Variants in GALM observed in about 807,000 individuals in gnomAD.
GALM encodes the protein galactose mutarotase.
In GALM, 43 loss-of-function variants were observed where a neutral mutation model predicts 37.4. That is an observed-to-expected ratio of 1.15 (90% CI 0.90 to 1.48). The LOEUF is 1.48. GALM is among the 40% of genes most tolerant of loss of function. The pLI is 0.00. For synonymous variants in GALM, 199 were observed against 170.6 expected (o/e 1.17, Z -1.30); for missense variants, 456 against 419.1 (o/e 1.09, Z -0.77).
At chr2:38,707,549 T>C (rs1385625704) in intron 4 of GALM, among the ~76,000 whole-genome samples, 5 of 152,246 alleles carry the variant, frequency 3.3e-5, no homozygotes, top group South Asian at 2.1e-4. Flanking sequence ...GTGGTGGTTG[T>C]TGTCCTGACC....
chr2:38,706,713 T>G, intron 4 of GALM, among the ~76,000 whole-genome samples: 1 of 151,656 alleles, frequency 6.6e-6, no homozygotes, highest in African/African-American at 2.4e-5. Context: ...GGGACTTGAC[T>G]GGAGACAGAG....
At chr2:38,706,999 G>A (rs1287823393) in intron 4 of GALM, among the ~76,000 whole-genome samples, 4 of 151,834 alleles carry the variant, frequency 2.6e-5, no homozygotes, top group African/African-American at 7.3e-5. Flanking sequence ...TGAATTGAAT[G>A]CATAGATGAG....
chr2:38,687,998 G>A (rs1162924312), intron 3 of GALM, among the ~76,000 whole-genome samples: 1 of 151,888 alleles, frequency 6.6e-6, no homozygotes, highest in Non-Finnish European at 1.5e-5. Context: ...GATCACCTGA[G>A]GTCAGGAGTT....
At chr2:38,707,338 T>A (rs1558590167) in intron 4 of GALM, among the ~76,000 whole-genome samples, 1 of 152,056 alleles carries the variant, frequency 6.6e-6, no homozygotes, top group Non-Finnish European at 1.5e-5. Flanking sequence ...AGAGCAGTGG[T>A]CTGAGGACCA....
intron 1 of GALM, 129 bp from the exon 2 acceptor site, chr2:38,675,783 A>G: frequency 1.3e-6 from 1 of 797,490 alleles, no homozygotes; most frequent in South Asian, 1.5e-5. Flanking sequence ...GTTAGCCAGG[A>G]TGGTCTCGAT....
At chr2:38,695,854 A>G (rs1358641325) in intron 4 of GALM, among the ~76,000 whole-genome samples, 3 of 151,630 alleles carry the variant, frequency 2.0e-5, no homozygotes, top group Non-Finnish European at 4.4e-5. Context: ...GCATGCCACC[A>G]TACCCGGATA....
At chr2:38,666,933 AACTAGGATGG>A (rs1368773709) in intron 1 of GALM, among the ~76,000 whole-genome samples, 1 of 152,150 alleles carries the variant, frequency 6.6e-6, no homozygotes, top group Non-Finnish European at 1.5e-5. Context: ...GTCTCCTACC[AACTAGGATGG>A]ACTTTTATCC....
chr2:38,685,789 C>A (rs1665502350), intron 3 of GALM, among the ~76,000 whole-genome samples: 1 of 152,212 alleles, frequency 6.6e-6, no homozygotes, highest in Non-Finnish European at 1.5e-5. Flanking sequence ...GCAATCTCGG[C>A]TCACGGCAAT....
At chr2:38,730,747 G>A (rs1467915530) in intron 5 of GALM, among the ~76,000 whole-genome samples, 1 of 150,468 alleles carries the variant, frequency 6.6e-6, no homozygotes, top group Non-Finnish European at 1.5e-5. Context: ...ATGGTGAAAC[G>A]CCGTCTCTAC....
intron 4 of GALM, chr2:38,698,330 C>G: frequency 8.1e-7 from 1 of 1,232,334 alleles, no homozygotes; most frequent in African/African-American, 1.6e-5. Context: ...GTGCATAGCC[C>G]TTGCTCACAG....
At chr2:38,685,941 G>A (rs1429966260) in intron 3 of GALM, among the ~76,000 whole-genome samples, 1 of 151,886 alleles carries the variant, frequency 6.6e-6, no homozygotes, top group Non-Finnish European at 1.5e-5. Flanking sequence ...TTGAACTCCT[G>A]ACCTGAAGTG....
chr2:38,725,707 T>C (rs1235478784), intron 4 of GALM, among the ~76,000 whole-genome samples: 3 of 151,908 alleles, frequency 2.0e-5, no homozygotes, highest in Non-Finnish European at 4.4e-5. Flanking sequence ...ATTTCTTTTC[T>C]TTTTTTTGTT....
At chr2:38,728,023 T>C (rs1666522281) in intron 4 of GALM, among the ~76,000 whole-genome samples, 1 of 152,206 alleles carries the variant, frequency 6.6e-6, no homozygotes, top group Non-Finnish European at 1.5e-5. Context: ...AAAATAATTA[T>C]CACCCTAAAA....
At chr2:38,703,967 G>T (rs1225812433) in intron 4 of GALM, among the ~76,000 whole-genome samples, 3 of 151,968 alleles carry the variant, frequency 2.0e-5, no homozygotes, top group Non-Finnish European at 4.4e-5. Flanking sequence ...AGTAAGCCAA[G>T]ATCGTGCCAC....
chr2:38,723,747 A>C (rs1666428201), intron 4 of GALM, among the ~76,000 whole-genome samples: 1 of 152,056 alleles, frequency 6.6e-6, no homozygotes, highest in Admixed American at 6.6e-5. Flanking sequence ...GCTATGATCA[A>C]ACCACTGCAC....
At chr2:38,718,395 C>T (rs1312963245) in intron 4 of GALM, among the ~76,000 whole-genome samples, 18 of 150,036 alleles carry the variant, frequency 1.2e-4, no homozygotes, top group Non-Finnish European at 1.5e-5. Context: ...GACGGGGTTT[C>T]GCTATGTTAG....
At chr2:38,695,231 T>C (rs1310489138) in intron 4 of GALM, among the ~76,000 whole-genome samples, 1 of 151,994 alleles carries the variant, frequency 6.6e-6, no homozygotes, top group East Asian at 1.9e-4. Flanking sequence ...AGACCAGCCT[T>C]GGCAACACAG....
chr2:38,682,828 G>T (rs922274473), intron 3 of GALM, among the ~76,000 whole-genome samples: 4 of 151,792 alleles, frequency 2.6e-5, no homozygotes, highest in Non-Finnish European at 5.9e-5. Context: ...CCTGGAAGGC[G>T]GAGGTTGCAG....
Position 38,692,815 on chromosome 2 carries a change from A to G in GALM, c.634+2921A>G, listed in dbSNP as rs78296860. On this transcript the variant is annotated intron_variant, in intron 4 of 6. Coordinates refer to ENST00000272252, the MANE Select transcript of GALM (RefSeq NM_138801.3). ...GAGTTAAATAAAACCTGGAAGGGAAAGTGGAAGTTTGCCAGGGAGTGAGGA... is the reference window on the plus strand; with the variant it reads ...GAGTTAAATAAAACCTGGAAGGGAAGGTGGAAGTTTGCCAGGGAGTGAGGA... Among the ~76,000 whole-genome samples the G allele has an allele frequency of 1.5e-3, 235 of 152,316 alleles. 5 individuals are homozygous for G. In the East Asian group the frequency reaches 0.042, roughly 27 times the overall value.
Sources: gnomAD v4.1 joint callset for allele counts (sites outside exome capture counted in the v4.1 genomes callset) on GRCh38, gnomAD v4.1.1 for gene constraint, MANE v1.5 for transcripts, NCBI Gene and HGNC (gene_info 2026-07-23, HGNC 2026-07-21) for gene names.